The following CCND2 variants were observed in gnomAD, a reference collection of about 807,000 sequenced individuals.
The protein encoded by CCND2 is G1/S-specific cyclin-D2.
Under a neutral mutation model 30.2 loss-of-function variants are expected in CCND2, and 6 were observed. The ratio of observed to expected loss-of-function variants is 0.20; its 90% CI spans 0.11 to 0.39. CCND2 has a LOEUF of 0.39. Ranked by LOEUF, CCND2 falls within the 10% of genes least tolerant of loss-of-function variation. CCND2 has a pLI of 1.00. For synonymous variants in CCND2, 150 were observed against 153.1 expected (o/e 0.98, Z 0.15); for missense variants, 235 against 373.4 (o/e 0.63, Z 3.06).
chr12:4,284,811 C>A (rs1292933479), intron 3 of CCND2, among the ~76,000 whole-genome samples: 2 of 149,970 alleles, frequency 1.3e-5, no homozygotes, highest in South Asian at 4.2e-4. Flanking sequence ...TCTCTGCTCA[C>A]TGCAACCTCC....
chr12:4,296,858 A>G (rs950737485), intron 4 of CCND2, among the ~76,000 whole-genome samples: 2 of 152,212 alleles, frequency 1.3e-5, no homozygotes, highest in Non-Finnish European at 2.9e-5. Flanking sequence ...GAAAATATCA[A>G]TTTAGACTGT....
intron 3 of CCND2, among the ~76,000 whole-genome samples, chr12:4,283,742 C>T (rs772459821): frequency 3.9e-5 from 6 of 152,298 alleles, no homozygotes; most frequent in Middle Eastern, 3.4e-3. Flanking sequence ...GCGGGAATGT[C>T]GGGTGTTCCT....
rs1864008101 is a variant in CCND2, at chr12:4,285,324, A to G, written c.572-3518A>G. The G allele has an allele frequency of 3.0e-6, 3 of 985,408 alleles. No homozygotes were observed. The highest frequency in any genetic ancestry group is 3.6e-6 in the Non-Finnish European group (3 of 829,920). The allele number at this position is 985,408 out of a possible 1,614,324, so 61.0% of individuals were successfully genotyped here. ...AGCATCTCACCTCTCCAGGTGGGCA[A>G]TTAACGATGGCGAGGGCACACCCTC... On this transcript the variant is annotated intron_variant, in intron 3 of 4. Coordinates refer to ENST00000261254, the MANE Select transcript of CCND2 (RefSeq NM_001759.4). This position sits in a 1 kb window ranked among gnomAD's most constrained non-coding sequence, Gnocchi z 4.1.
chr12:4,281,942 G>A (rs1345751430), intron 3 of CCND2, among the ~76,000 whole-genome samples: 1 of 147,702 alleles, frequency 6.8e-6, no homozygotes, highest in East Asian at 2.0e-4. Context: ...GTCCTGGGCA[G>A]TGCAGGCATG....
At chr12:4,289,565 A>G (rs1402251293) in intron 4 of CCND2, among the ~76,000 whole-genome samples, 1 of 152,260 alleles carries the variant, frequency 6.6e-6, no homozygotes, top group Non-Finnish European at 1.5e-5. Flanking sequence ...TACAAACTCA[A>G]GAAACTATTA....
Position 4,299,448 on chromosome 12 carries a change from T to A in CCND2, c.721-412T>A, listed in dbSNP as rs1043443705. Among the ~76,000 whole-genome samples the A allele has an allele frequency of 6.6e-6, 1 of 152,230 alleles. No homozygotes were observed. The highest frequency in any genetic ancestry group is 2.4e-5 in the African/African-American group (1 of 41,466). ...GAGTTTGCTAATGTCATAGCACTTC[T>A]AGTAGCCTTCCCCTTTTCTCTGCCA... On this transcript the variant is annotated intron_variant, in intron 4 of 4. Transcript: ENST00000261254. This position sits in a 1 kb window ranked among gnomAD's most constrained non-coding sequence, Gnocchi z 5.2.
intron 3 of CCND2, among the ~76,000 whole-genome samples, chr12:4,279,619 A>G (rs540146036): frequency 1.4e-5 from 2 of 144,250 alleles, no homozygotes; most frequent in South Asian, 5.1e-4. Flanking sequence ...CAATTGATAC[A>G]TCATTCCTAC....
intron 4 of CCND2, among the ~76,000 whole-genome samples, chr12:4,291,806 TG>T (rs1348148429): frequency 6.6e-6 from 1 of 152,174 alleles, no homozygotes; most frequent in Non-Finnish European, 1.5e-5. Context: ...TGTTATAACA[TG>T]GGCGAACCTT....
Position 4,305,082 on chromosome 12 carries a change from G to C in CCND2, c.*5073G>C, listed in dbSNP as rs1481501341. ...CACAGTGTACTCTATAAGAGGTGTG[G>C]GTGTCTGTTTGGTCAGGATGTTAGA... On this transcript the variant is annotated 3_prime_UTR_variant, in exon 5 of 5. Transcript: ENST00000261254. The surrounding 1 kb of genome is among the most constrained non-coding windows in gnomAD (Gnocchi z 6.4). The C allele has an allele frequency of 4.3e-6, 1 of 233,024 alleles. No homozygotes were observed. Among genetic ancestry groups the C allele is most frequent in the Non-Finnish European group, 8.5e-6 (1 of 117,952 alleles). The allele number at this position is 233,024 out of a possible 1,614,324, so 14.4% of individuals were successfully genotyped here.
chr12:4,299,777 G>T lies in CCND2; in HGVS notation c.721-83G>T, dbSNP rs954759661. On this transcript the variant is annotated intron_variant, in intron 4 of 4. Coordinates refer to ENST00000261254, the MANE Select transcript of CCND2 (RefSeq NM_001759.4). This position sits in a 1 kb window ranked among gnomAD's most constrained non-coding sequence, Gnocchi z 5.2. ...TGGAAACTAGCACAGACTTATGCAA[G>T]CTAAATTACGCATGTTTTCTCCGTA... 1 of 1,334,920 alleles carries T rather than the reference G, an allele frequency of 7.5e-7. No individual in the cohort carries two copies. Among genetic ancestry groups the T allele is most frequent in the Admixed American group, 1.9e-5 (1 of 51,618 alleles). 82.7% of individuals were successfully genotyped at this position (1,334,920 alleles called of 1,614,324 possible).
Position 4,282,675 on chromosome 12 carries a change from G to A in CCND2, c.571+3756G>A, listed in dbSNP as rs1863965808. 1.3e-5 allele frequency among the ~76,000 whole-genome samples: 2 copies of A among 152,182 alleles called. No individual in the cohort carries two copies. The highest frequency in any genetic ancestry group is 2.1e-4 in the South Asian group (1 of 4,838). Reference sequence around the variant, plus strand: ...GCCAGGCAGTGTGGTGCTTGCCATCGCTCTTCCCTCTGGCTGTAAGATGAA... The same window carrying A: ...GCCAGGCAGTGTGGTGCTTGCCATCACTCTTCCCTCTGGCTGTAAGATGAA... On this transcript the variant is annotated intron_variant, in intron 3 of 4. Transcript: ENST00000261254. The surrounding 1 kb of genome is among the most constrained non-coding windows in gnomAD (Gnocchi z 4.3).
At position 4,276,738 on chromosome 12, in the gene CCND2, C is replaced by A. The variant is rs184506823; in HGVS notation, c.411+518C>A. 1.1e-3 allele frequency among the ~76,000 whole-genome samples: 164 copies of A among 152,286 alleles called. 2 individuals are homozygous for A. Among genetic ancestry groups the A allele is most frequent in the African/African-American group, 3.9e-3 (161 of 41,538 alleles). On this transcript the variant is annotated intron_variant, in intron 2 of 4. Transcript: ENST00000261254. The surrounding 1 kb of genome is among the most constrained non-coding windows in gnomAD (Gnocchi z 4.8). ...CAGTTCATTGACTTTTGAGCAAAGT[C>A]AAAATGTGGCCTTTCACTGAAGGAG...
At chr12:4,283,910 A>C (rs996210271) in intron 3 of CCND2, among the ~76,000 whole-genome samples, 2 of 152,172 alleles carry the variant, frequency 1.3e-5, no homozygotes, top group African/African-American at 4.8e-5. Context: ...CAGTTCTGCA[A>C]AGCAGCAGGA....
intron 4 of CCND2, among the ~76,000 whole-genome samples, chr12:4,294,680 G>A (rs954085868): frequency 9.2e-5 from 14 of 152,182 alleles, no homozygotes; most frequent in Non-Finnish European, 1.9e-4. Flanking sequence ...TCAGCCAGAT[G>A]TCACTGGGAC....
chr12:4,286,362 G>A (rs906327268), intron 3 of CCND2, among the ~76,000 whole-genome samples: 23 of 152,306 alleles, frequency 1.5e-4, no homozygotes, highest in African/African-American at 5.3e-4. Context: ...CTTGGAAAGA[G>A]GAAGTGACTT....
At chr12:4,275,379 T>G (rs1863854523) in intron 1 of CCND2, 1 of 152,146 alleles carries the variant, frequency 6.6e-6, no homozygotes. Context: ...CTAGGATATT[T>G]CCTCGATTTT....
At position 4,300,581 on chromosome 12, in the gene CCND2, G is replaced by A. The variant is rs1370897635; in HGVS notation, c.*572G>A. ...CTCTCAGCCACCTGTTACTAAGTCA[G>A]GAGTGTAGTTGGATCTCTACATTAA... On this transcript the variant is annotated 3_prime_UTR_variant, in exon 5 of 5. Coordinates refer to ENST00000261254, the MANE Select transcript of CCND2 (RefSeq NM_001759.4). 1 of 234,022 alleles carries A rather than the reference G, an allele frequency of 4.3e-6. No individual in the cohort carries two copies. Among genetic ancestry groups the A allele is most frequent in the Non-Finnish European group, 8.5e-6 (1 of 118,336 alleles). 14.5% of individuals were successfully genotyped at this position (234,022 alleles called of 1,614,324 possible).
chr12:4,294,115 C>T (rs750526992), intron 4 of CCND2, among the ~76,000 whole-genome samples: 16 of 152,214 alleles, frequency 1.1e-4, no homozygotes, highest in Admixed American at 2.0e-4. Context: ...GGTGCAGTTA[C>T]ACTGAGGGCT....
chr12:4,279,567 G>T (rs542206444), intron 3 of CCND2, among the ~76,000 whole-genome samples: 3 of 152,028 alleles, frequency 2.0e-5, no homozygotes, highest in Non-Finnish European at 2.9e-5. Context: ...GATTTTGGCC[G>T]CAGCCTTTAA....
Sources: gnomAD v4.1 joint callset for allele counts (sites outside exome capture counted in the v4.1 genomes callset) on GRCh38, gnomAD v4.1.1 for gene constraint, Gnocchi (gnomAD v3.1) non-coding constraint, MANE v1.5 for transcripts, NCBI Gene and HGNC (gene_info 2026-07-23, HGNC 2026-07-21) for gene names.